NUMB: variants seen among roughly 807,000 people sequenced by gnomAD.
NUMB encodes protein numb homolog.
A neutral mutation model predicts 59.7 loss-of-function variants in NUMB; 29 were observed. The ratio of observed to expected loss-of-function variants is 0.49; its 90% CI spans 0.36 to 0.66. The LOEUF (loss-of-function observed/expected upper bound fraction) is 0.66, where lower values mean the gene tolerates loss of function less well. NUMB is among the 30% of genes least tolerant of loss of function. NUMB has a pLI of 0.00. For missense variants in NUMB, 723 were observed against 822.0 expected (o/e 0.88, Z 1.47); for synonymous variants, 288 against 288.2 (o/e 1.00, Z 0.01).
intron 2 of NUMB, among the ~76,000 whole-genome samples, chr14:73,370,779 T>C (rs1034283642): frequency 6.6e-6 from 1 of 152,234 alleles, no homozygotes; most frequent in Non-Finnish European, 1.5e-5. Context: ...CTTTGCTACT[T>C]TACTTTCTTT....
intron 2 of NUMB, among the ~76,000 whole-genome samples, chr14:73,406,092 G>GT (rs551368866): frequency 0.38 from 41,048 of 107,114 alleles, 5,842 homozygotes; most frequent in African/African-American, 0.41. Context: ...ACATATTTTT[G>GT]TTTTTTTTTT....
chr14:73,278,056 A>AAC (rs1888315301), intron 12 of NUMB, among the ~76,000 whole-genome samples: 11 of 141,462 alleles, frequency 7.8e-5, no homozygotes, highest in Non-Finnish European at 1.4e-4. Context: ...AAAAAAAAAA[A>AAC]AAAAAAAAAA....
intron 1 of NUMB, among the ~76,000 whole-genome samples, chr14:73,452,430 G>A (rs2140211840): frequency 6.6e-6 from 1 of 152,220 alleles, no homozygotes; most frequent in East Asian, 1.9e-4. Flanking sequence ...TGAGGCAGAA[G>A]GATCACCTGA....
chr14:73,363,618 A>G (rs1046842035), intron 3 of NUMB, among the ~76,000 whole-genome samples: 2 of 152,190 alleles, frequency 1.3e-5, no homozygotes, highest in Non-Finnish European at 2.9e-5. Context: ...AATTAAAATT[A>G]TGGGCCAATT....
Position 73,404,943 on chromosome 14 carries a change from T to C in NUMB, c.-101+4994A>G, listed in dbSNP as rs55896071. Among the ~76,000 whole-genome samples, 633 of 152,184 alleles carry C rather than the reference T, an allele frequency of 4.2e-3. 3 individuals carry two copies. Among genetic ancestry groups the C allele is most frequent in the African/African-American group, 0.015 (605 of 41,528 alleles). Reference sequence around the variant, plus strand: ...GCCCGGCTAATTTTTATATTTTCAGTAGAGACAGGGTTTCACCATGTTGGC... The same window carrying C: ...GCCCGGCTAATTTTTATATTTTCAGCAGAGACAGGGTTTCACCATGTTGGC... On this transcript the variant is annotated intron_variant, in intron 2 of 12. Coordinates refer to ENST00000555238, the MANE Select transcript of NUMB (RefSeq NM_001005743.2).
chr14:73,358,847 G>T (rs915665614), intron 3 of NUMB, among the ~76,000 whole-genome samples: 1 of 151,982 alleles, frequency 6.6e-6, no homozygotes, highest in South Asian at 2.1e-4. Flanking sequence ...TAAAACAGAC[G>T]CCCACCACAG....
intron 4 of NUMB, among the ~76,000 whole-genome samples, chr14:73,350,234 C>T (rs1371209741): frequency 1.4e-5 from 2 of 141,228 alleles, no homozygotes; most frequent in African/African-American, 2.7e-5. Context: ...GGTGCAGTGG[C>T]GTGATCTCAG....
intron 9 of NUMB, 74 bp from the exon 10 acceptor site, chr14:73,284,448 G>A (rs1299223739): frequency 7.6e-6 from 10 of 1,313,836 alleles, no homozygotes; most frequent in East Asian, 2.3e-5. Context: ...TGACAAATTC[G>A]AAAGCCCTCT....
intron 4 of NUMB, among the ~76,000 whole-genome samples, chr14:73,340,102 T>C (rs1892550631): frequency 1.3e-5 from 2 of 152,190 alleles, no homozygotes; most frequent in Non-Finnish European, 2.9e-5. Context: ...CCAAATGTTA[T>C]AGAAGTGATT....
intron 6 of NUMB, among the ~76,000 whole-genome samples, chr14:73,305,939 C>T (rs907639185): frequency 6.6e-6 from 1 of 152,090 alleles, no homozygotes; most frequent in African/African-American, 2.4e-5. Context: ...AACCCAGCTT[C>T]ATTGCTTTTT....
At chr14:73,408,353 AATG>A (rs1161679893) in intron 2 of NUMB, among the ~76,000 whole-genome samples, 2 of 152,210 alleles carry the variant, frequency 1.3e-5, no homozygotes, top group Admixed American at 6.5e-5. Flanking sequence ...GGAGGTATAT[AATG>A]ATAATATTGG....
intron 4 of NUMB, among the ~76,000 whole-genome samples, chr14:73,345,524 T>C (rs547270664): frequency 1.3e-5 from 2 of 152,326 alleles, no homozygotes; most frequent in African/African-American, 4.8e-5. Flanking sequence ...CTCGAAATTT[T>C]TGGTCTCAGG....
intron 4 of NUMB, among the ~76,000 whole-genome samples, chr14:73,339,742 T>C (rs894193969): frequency 6.6e-6 from 1 of 152,048 alleles, no homozygotes; most frequent in Admixed American, 6.5e-5. Context: ...ACTCCCTTCA[T>C]ACTTAACCCT....
chr14:73,289,294 G>C (rs1889232509), intron 8 of NUMB, among the ~76,000 whole-genome samples: 1 of 152,166 alleles, frequency 6.6e-6, no homozygotes, highest in Non-Finnish European at 1.5e-5. Flanking sequence ...GAGGAGTGGA[G>C]GACGTATATA....
intron 6 of NUMB, among the ~76,000 whole-genome samples, chr14:73,315,825 T>A (rs1891055660): frequency 6.6e-6 from 1 of 152,188 alleles, no homozygotes; most frequent in South Asian, 2.1e-4. Context: ...TCAAATGATA[T>A]TTATTTTAAT....
At chr14:73,285,336 C>T (rs917114793) in intron 9 of NUMB, 3 of 151,770 alleles carry the variant, frequency 2.0e-5, no homozygotes, top group African/African-American at 2.4e-5. Context: ...AATCTCTTTG[C>T]AGTTGTTGTG....
intron 4 of NUMB, among the ~76,000 whole-genome samples, chr14:73,353,072 GTTTTTTT>G (rs71112737): frequency 1.6e-3 from 92 of 58,492 alleles, no homozygotes; most frequent in Non-Finnish European, 2.7e-3. Flanking sequence ...AGTTTTTCTT[GTTTTTTT>G]TTTTTTTTTT....
chr14:73,306,352 A>T (rs546229047), intron 6 of NUMB, among the ~76,000 whole-genome samples: 2 of 152,338 alleles, frequency 1.3e-5, no homozygotes, highest in South Asian at 4.1e-4. Context: ...TATTAAGTTC[A>T]TATTTCAAAG....
chr14:73,372,452 CAT>C (rs940028037), intron 2 of NUMB, among the ~76,000 whole-genome samples: 23 of 145,450 alleles, frequency 1.6e-4, no homozygotes, highest in South Asian at 4.3e-4. Flanking sequence ...TGAAAATATA[CAT>C]ATATGTGTAT....
Sources: allele counts gnomAD v4.1 joint callset (sites outside exome capture counted in the v4.1 genomes callset), GRCh38; gene constraint gnomAD v4.1.1; transcripts MANE v1.5; gene names NCBI Gene and HGNC (gene_info 2026-07-23, HGNC 2026-07-21).